CCDC170: variants seen among roughly 807,000 people sequenced by gnomAD.
CCDC170 encodes coiled-coil domain-containing protein 170.
In CCDC170, 69 loss-of-function variants were observed where a neutral mutation model predicts 72.6. That is an observed-to-expected ratio of 0.95 (90% CI 0.78 to 1.16). CCDC170 has a LOEUF of 1.16. Ranked by LOEUF, CCDC170 falls within the 50% of genes most tolerant of loss-of-function variation. The pLI is 0.00. For missense variants in CCDC170, 852 were observed against 832.5 expected, an observed-to-expected ratio of 1.02 and a Z score of -0.29; for synonymous variants, 300 against 303.9, an observed-to-expected ratio of 0.99 and a Z score of 0.13.
At chr6:151,595,443 CT>C (rs979541178) in intron 8 of CCDC170, among the ~76,000 whole-genome samples, 10 of 152,076 alleles carry the variant, frequency 6.6e-5, no homozygotes, top group Non-Finnish European at 1.2e-4. Flanking sequence ...CCTTTTATTT[CT>C]AAGATTTTAT....
chr6:151,582,407 C>T (rs1186784533), intron 6 of CCDC170, among the ~76,000 whole-genome samples: 2 of 152,188 alleles, frequency 1.3e-5, no homozygotes, highest in Admixed American at 6.5e-5. Context: ...CTCTCTTAGG[C>T]TTCATAGATT....
intron 9 of CCDC170, among the ~76,000 whole-genome samples, chr6:151,615,098 GC>G (rs1303430624): frequency 6.6e-6 from 1 of 152,208 alleles, no homozygotes; most frequent in African/African-American, 2.4e-5. Flanking sequence ...ATTGGTCAGG[GC>G]AGAAAGTTGA....
chr6:151,611,566 C>A (rs762093161), intron 9 of CCDC170, among the ~76,000 whole-genome samples: 3 of 152,190 alleles, frequency 2.0e-5, no homozygotes, highest in Admixed American at 6.5e-5. Context: ...ACCTAAGCAA[C>A]TTCCAGAGGT....
intron 5 of CCDC170, among the ~76,000 whole-genome samples, chr6:151,571,679 AT>A: frequency 6.6e-6 from 1 of 152,188 alleles, no homozygotes. Context: ...GTGAGCTGAG[AT>A]TGTGCCATTG....
intron 7 of CCDC170, among the ~76,000 whole-genome samples, chr6:151,586,525 T>C (rs1002745973): frequency 6.6e-6 from 1 of 152,124 alleles, no homozygotes; most frequent in African/African-American, 2.4e-5. Flanking sequence ...ATAAGTCAGA[T>C]TATAGTGGAG....
chr6:151,503,927 G>T (rs1305499255), intron 1 of CCDC170, among the ~76,000 whole-genome samples: 1 of 152,146 alleles, frequency 6.6e-6, no homozygotes, highest in Non-Finnish European at 1.5e-5. Context: ...AAAAAAGGCT[G>T]CAAAACTGTT....
At chr6:151,573,790 T>C (rs900270361) in intron 6 of CCDC170, among the ~76,000 whole-genome samples, 1 of 152,192 alleles carries the variant, frequency 6.6e-6, no homozygotes, top group Non-Finnish European at 1.5e-5. Context: ...AGTTATTCTC[T>C]ATCACAAGAA....
chr6:151,512,438 G>A (rs773366896), intron 1 of CCDC170, among the ~76,000 whole-genome samples: 14 of 152,112 alleles, frequency 9.2e-5, no homozygotes, highest in South Asian at 2.1e-4. Flanking sequence ...GGGATTACAG[G>A]CATAAGCCAC....
intron 1 of CCDC170, among the ~76,000 whole-genome samples, chr6:151,519,422 C>T (rs1242165307): frequency 4.6e-5 from 7 of 152,088 alleles, no homozygotes; most frequent in Admixed American, 1.3e-4. Flanking sequence ...GCTGTTATTC[C>T]GTTCTTTTTC....
rs759048302 is a variant in CCDC170 at position 151,573,266 on chromosome 6, T to C, written c.867T>C (p.Asp289=). The C allele has an allele frequency of 1.2e-6, 2 of 1,614,184 alleles. No individual in the cohort carries two copies. The highest frequency in any genetic ancestry group is 1.7e-6 in the Non-Finnish European group (2 of 1,180,022). Residue 289 remains aspartate, a synonymous_variant, in exon 6 of 11, where the codon GAT becomes GAC. Coordinates refer to ENST00000239374, the MANE Select transcript of CCDC170 (RefSeq NM_025059.4). ...ERLLAGQQVW[D]ASKQEVSLLK... is the part of the protein sequence containing the mutation. ...TGCTTGCTGGCCAGCAGGTCTGGGA[T>C]GCCTCAAAGCAGGAAGTGAGCCTCC... is the stretch of plus-strand genomic sequence containing the variant.
chr6:151,532,514 G>A (rs537652600), intron 1 of CCDC170, among the ~76,000 whole-genome samples: 7 of 152,056 alleles, frequency 4.6e-5, no homozygotes, highest in African/African-American at 1.7e-4. Context: ...GGCTGAGGCA[G>A]GAGAATTGCT....
At chr6:151,530,689 C>G (rs561824574) in intron 1 of CCDC170, among the ~76,000 whole-genome samples, 1 of 152,130 alleles carries the variant, frequency 6.6e-6, no homozygotes, top group East Asian at 1.9e-4. Flanking sequence ...ATCGGCCTAG[C>G]CTCCCAAAGT....
At chr6:151,548,894 G>T (rs532684052) in intron 5 of CCDC170, among the ~76,000 whole-genome samples, 145 of 91,532 alleles carry the variant, frequency 1.6e-3, no homozygotes, top group Admixed American at 2.7e-3. Flanking sequence ...TAGTTTTTTT[G>T]TTTGTTTGTT....
Position 151,548,499 on chromosome 6 carries a change from G to A in CCDC170, c.774+10G>A. On this transcript the variant is annotated intron_variant, in intron 5 of 10. Transcript: ENST00000239374. Reference sequence around the variant, plus strand: ...AGAGAAGCTGAACCAGGTATGATATGTGAAGTATACGTGTGCATCTGGGAC... The same window carrying A: ...AGAGAAGCTGAACCAGGTATGATATATGAAGTATACGTGTGCATCTGGGAC... 6.4e-7 allele frequency: 1 copy of A among 1,563,656 alleles called. No homozygotes were observed.
At chr6:151,566,776 A>G (rs1365879821) in intron 5 of CCDC170, among the ~76,000 whole-genome samples, 1 of 152,138 alleles carries the variant, frequency 6.6e-6, no homozygotes, top group Non-Finnish European at 1.5e-5. Context: ...AATTCCCTGT[A>G]TTTAAGTTCT....
chr6:151,559,888 A>C (rs1241094679), intron 5 of CCDC170, among the ~76,000 whole-genome samples: 3 of 151,006 alleles, frequency 2.0e-5, no homozygotes, highest in Admixed American at 6.6e-5. Context: ...TTATCCTTTC[A>C]AAAAAGAAAC....
At chr6:151,541,679 T>G (rs1253087794) in intron 3 of CCDC170, among the ~76,000 whole-genome samples, 2 of 151,684 alleles carry the variant, frequency 1.3e-5, no homozygotes, top group African/African-American at 4.8e-5. Flanking sequence ...AAGAAGAAAT[T>G]AATAATTACT....
chr6:151,556,311 C>T (rs1782973557), intron 5 of CCDC170, among the ~76,000 whole-genome samples: 1 of 152,064 alleles, frequency 6.6e-6, no homozygotes. Flanking sequence ...CAAAAATTAG[C>T]TGGGCATGGT....
intron 5 of CCDC170, among the ~76,000 whole-genome samples, chr6:151,560,474 G>T (rs1443786976): frequency 6.6e-6 from 1 of 152,116 alleles, no homozygotes; most frequent in Non-Finnish European, 1.5e-5. Context: ...TGTCTGTGAG[G>T]TCCATCTTGT....
Sources: gnomAD v4.1 joint callset for allele counts (sites outside exome capture counted in the v4.1 genomes callset) on GRCh38, gnomAD v4.1.1 for gene constraint, MANE v1.5 for transcripts, NCBI Gene and HGNC (gene_info 2026-07-23, HGNC 2026-07-21) for gene names.